The following MSI2 variants were observed in gnomAD, a reference collection of about 807,000 sequenced individuals.
MSI2 encodes the protein RNA-binding protein Musashi homolog 2.
In MSI2, 17 loss-of-function variants were observed where a neutral mutation model predicts 45.6. That is an observed-to-expected ratio of 0.37 (90% CI 0.26 to 0.56). The LOEUF (loss-of-function observed/expected upper bound fraction) is 0.56, where lower values mean the gene tolerates loss of function less well. MSI2 is among the 20% of genes least tolerant of loss of function. The pLI is 0.77. For synonymous variants in MSI2, 156 were observed against 158.2 expected, an observed-to-expected ratio of 0.99 and a Z score of 0.11; for missense variants, 293 against 444.2, an observed-to-expected ratio of 0.66 and a Z score of 3.06.
At chr17:57,659,281 A>C (rs1911827613) in intron 11 of MSI2, among the ~76,000 whole-genome samples, 1 of 151,558 alleles carries the variant, frequency 6.6e-6, no homozygotes, top group Non-Finnish European at 1.5e-5. Flanking sequence ...TTTTTGGTAG[A>C]GACAGGGTCT....
In MSI2 at chr17:57,596,510, G is replaced by A. The variant is rs1346419766; in HGVS notation, c.455-358G>A. On this transcript the variant is annotated intron_variant, in intron 7 of 13. Coordinates refer to ENST00000284073, the MANE Select transcript of MSI2 (RefSeq NM_138962.4). The surrounding 1 kb of genome is among the most constrained non-coding windows in gnomAD (Gnocchi z 4.6). ...TCGCGGAAAGGGCAAGCGTGGCCCCGCAGTGATCCACGAGGCTCTGGTTAG... is the reference window on the plus strand; with the variant it reads ...TCGCGGAAAGGGCAAGCGTGGCCCCACAGTGATCCACGAGGCTCTGGTTAG... Among the ~76,000 whole-genome samples, 9 of 152,224 alleles carry A rather than the reference G, an allele frequency of 5.9e-5. No homozygotes were observed. The highest frequency in any genetic ancestry group is 8.8e-5 in the Non-Finnish European group (6 of 68,034).
At chr17:57,330,440 G>T (rs186630743) in intron 5 of MSI2, among the ~76,000 whole-genome samples, 1 of 151,470 alleles carries the variant, frequency 6.6e-6, no homozygotes, top group Non-Finnish European at 1.5e-5. Context: ...GCTTGCCGCC[G>T]GCTAATTTTT....
rs1913712272 is a variant in MSI2, at chr17:57,683,051, C to G, written c.*3534C>G. ...CAGCCTCGCGCTCTATCCCAGTCGC[C>G]CATTAGCTTGATTCAAACAAAGCCC... On this transcript the variant is annotated 3_prime_UTR_variant, in exon 14 of 14. Coordinates refer to ENST00000284073, the MANE Select transcript of MSI2 (RefSeq NM_138962.4). The surrounding 1 kb of genome is among the most constrained non-coding windows in gnomAD (Gnocchi z 5.2). The G allele has an allele frequency of 1.3e-5, 3 of 229,832 alleles. No individual in the cohort carries two copies. The highest frequency in any genetic ancestry group is 3.6e-4 in the South Asian group (2 of 5,518). 14.2% of individuals were successfully genotyped at this position (229,832 alleles called of 1,614,324 possible).
chr17:57,663,641 C>T (rs1027004610), intron 11 of MSI2, among the ~76,000 whole-genome samples: 1 of 152,228 alleles, frequency 6.6e-6, no homozygotes, highest in Non-Finnish European at 1.5e-5. Flanking sequence ...GACAGACACA[C>T]AGCAGCAAAG....
intron 5 of MSI2, among the ~76,000 whole-genome samples, chr17:57,339,486 C>T (rs1914949235): frequency 6.6e-6 from 1 of 152,138 alleles, no homozygotes; most frequent in Non-Finnish European, 1.5e-5. Context: ...TGGGCTGCTC[C>T]TCCCTCCCTC....
intron 5 of MSI2, among the ~76,000 whole-genome samples, chr17:57,328,314 TATCCATCCATCC>T (rs1212403923): frequency 8.7e-6 from 1 of 114,422 alleles, no homozygotes; most frequent in Non-Finnish European, 1.6e-5. Flanking sequence ...TGCATCCATT[TATCCATCCATCC>T]ATCCATGCAT....
chr17:57,615,583 G>T (rs538590210), intron 8 of MSI2, among the ~76,000 whole-genome samples: 1 of 152,252 alleles, frequency 6.6e-6, no homozygotes, highest in South Asian at 2.1e-4. Context: ...TGTGTAAAGG[G>T]CTGAAAAATC....
intron 11 of MSI2, chr17:57,671,673 G>A (rs934243715): frequency 3.4e-5 from 5 of 148,816 alleles, no homozygotes; most frequent in Admixed American, 6.8e-5. Context: ...CCTTTCCTGC[G>A]TAGCCAGCCA....
chr17:57,378,087 A>G (rs2083532400), intron 5 of MSI2, among the ~76,000 whole-genome samples: 1 of 151,642 alleles, frequency 6.6e-6, no homozygotes, highest in Admixed American at 6.6e-5. Flanking sequence ...AAAAAAAAAA[A>G]AGAAAAAAAA....
intron 7 of MSI2, among the ~76,000 whole-genome samples, chr17:57,554,150 T>C (rs965785889): frequency 5.3e-5 from 8 of 151,658 alleles, no homozygotes; most frequent in Admixed American, 6.6e-5. Context: ...TGGTAAACGC[T>C]GCTTTGTTGC....
At chr17:57,696,561 C>G in the MSI2 span, among the ~76,000 whole-genome samples, 1 of 152,108 alleles carries the variant, frequency 6.6e-6, no homozygotes, top group East Asian at 1.9e-4. Context: ...TAGCAAGACC[C>G]CTATCTCTAC....
intron 7 of MSI2, among the ~76,000 whole-genome samples, chr17:57,583,488 C>CTTTTTTTTTTTTTTTTTTATTTTTTTTTT (rs2088259584): frequency 1.0e-5 from 1 of 98,044 alleles, no homozygotes; most frequent in Non-Finnish European, 2.1e-5. Context: ...CCCAATGTTT[C>CTTTTTTTTTTTTTTTTTTATTTTTTTTTT]TTTTTTTTTT....
At chr17:57,338,199 C>T (rs554090839) in intron 5 of MSI2, among the ~76,000 whole-genome samples, 2 of 152,074 alleles carry the variant, frequency 1.3e-5, no homozygotes, top group South Asian at 4.1e-4. Context: ...AGGAAATCCT[C>T]CTCCTCAGCC....
intron 7 of MSI2, among the ~76,000 whole-genome samples, chr17:57,550,722 G>A (rs149182710): frequency 6.6e-6 from 1 of 152,300 alleles, no homozygotes; most frequent in East Asian, 1.9e-4. Flanking sequence ...TTTTCAGCCT[G>A]GGGAAGAGTC....
rs540037243 is a variant in MSI2 at position 57,298,289 on chromosome 17, A to G, written c.312+36097A>G. 2.0e-5 allele frequency among the ~76,000 whole-genome samples: 3 copies of G among 152,354 alleles called. No homozygotes were observed. In the South Asian group the frequency reaches 6.2e-4, roughly 32 times the overall value. ...AACATTAATCTTCTTGTATACCTCCATCAGAGCTCTTGGGTGACCAGGTAT... is the reference window on the plus strand; with the variant it reads ...AACATTAATCTTCTTGTATACCTCCGTCAGAGCTCTTGGGTGACCAGGTAT... On this transcript the variant is annotated intron_variant, in intron 5 of 13. Coordinates refer to ENST00000284073, the MANE Select transcript of MSI2 (RefSeq NM_138962.4).
At chr17:57,486,083 T>C (rs972518513) in intron 6 of MSI2, among the ~76,000 whole-genome samples, 6 of 152,250 alleles carry the variant, frequency 3.9e-5, no homozygotes, top group African/African-American at 1.4e-4. Flanking sequence ...TAACAGCTTC[T>C]GAAATGAGTT....
At chr17:57,259,694 A>G (rs908169270) in intron 4 of MSI2, among the ~76,000 whole-genome samples, 1 of 152,220 alleles carries the variant, frequency 6.6e-6, no homozygotes, top group African/African-American at 2.4e-5. Context: ...ATGATAACAG[A>G]TGTCTGAAAA....
At position 57,596,987 on chromosome 17, in the gene MSI2, C is replaced by G. The variant is rs1198719904; in HGVS notation, c.537+37C>G. On this transcript the variant is annotated intron_variant, in intron 8 of 13. Transcript: ENST00000284073. This position sits in a 1 kb window ranked among gnomAD's most constrained non-coding sequence, Gnocchi z 4.6. Reference sequence around the variant, plus strand: ...GGGGTTGCGCTGAAATGGAATGCCCCCTTTCTCTACGTACACACCCAGTCT... The same window carrying G: ...GGGGTTGCGCTGAAATGGAATGCCCGCTTTCTCTACGTACACACCCAGTCT... 7 of 1,442,842 alleles carry G rather than the reference C, an allele frequency of 4.9e-6. No individual in the cohort carries two copies. In the Admixed American group the frequency reaches 6.7e-5, roughly 14 times the overall value. The allele number at this position is 1,442,842 out of a possible 1,614,324, so 89.4% of individuals were successfully genotyped here.
intron 6 of MSI2, among the ~76,000 whole-genome samples, chr17:57,439,239 G>C (rs1461749609): frequency 2.0e-5 from 3 of 152,220 alleles, no homozygotes; most frequent in Non-Finnish European, 4.4e-5. Context: ...TGATTGCTCA[G>C]ATCAAGCCTA....
Sources: gnomAD v4.1 joint callset for allele counts (sites outside exome capture counted in the v4.1 genomes callset) on GRCh38, gnomAD v4.1.1 for gene constraint, Gnocchi (gnomAD v3.1) non-coding constraint, MANE v1.5 for transcripts, NCBI Gene and HGNC (gene_info 2026-07-23, HGNC 2026-07-21) for gene names.